Variants in RSF1 observed in about 807,000 individuals in gnomAD.
The protein encoded by RSF1 is HBV pX-associated protein 8.
A neutral mutation model predicts 145.2 loss-of-function variants in RSF1; 13 were observed. The observed-to-expected ratio is 0.09, with a 90% CI of 0.06 to 0.14. RSF1 has a LOEUF of 0.14. Among genes scored for constraint, RSF1 ranks in the 10% least tolerant of loss-of-function variants. RSF1 has a pLI of 1.00. For synonymous variants in RSF1, 577 were observed against 592.6 expected, an observed-to-expected ratio of 0.97 and a Z score of 0.38; for missense variants, 1,517 against 1,718.2, an observed-to-expected ratio of 0.88 and a Z score of 2.07.
the RSF1 span, among the ~76,000 whole-genome samples, chr11:77,865,272 A>G: frequency 9.9e-3 from 1,512 of 152,324 alleles, 20 homozygotes; most frequent in Non-Finnish European, 0.011. Context: ...AGCATAAAGA[A>G]GATAGAAGTG....
At chr11:77,775,455 G>A (rs927390770) in intron 1 of RSF1, among the ~76,000 whole-genome samples, 3 of 152,238 alleles carry the variant, frequency 2.0e-5, no homozygotes, top group Middle Eastern at 3.4e-3. Context: ...TCTTTTCCCC[G>A]CTTTTCTCTC....
intron 2 of RSF1, among the ~76,000 whole-genome samples, chr11:77,748,216 C>CTTTTT (rs372130350): frequency 7.1e-6 from 1 of 141,630 alleles, no homozygotes; most frequent in African/African-American, 2.6e-5. Flanking sequence ...AATAGAGGAT[C>CTTTTT]TTTTTTTTTT....
upstream of RSF1, among the ~76,000 whole-genome samples, chr11:77,825,107 A>C (rs897043787): frequency 3.3e-5 from 5 of 152,046 alleles, no homozygotes; most frequent in Non-Finnish European, 7.4e-5. Context: ...CAGCCTCCCG[A>C]GTAGCTGGGG....
intron 5 of RSF1, among the ~76,000 whole-genome samples, chr11:77,711,986 G>A (rs902955376): frequency 4.1e-5 from 6 of 147,112 alleles, no homozygotes; most frequent in Non-Finnish European, 8.9e-5. Context: ...GGCTTGTTTG[G>A]TGTTTTCTCT....
the RSF1 span, among the ~76,000 whole-genome samples, chr11:77,858,473 A>G: frequency 6.6e-6 from 1 of 151,582 alleles, no homozygotes; most frequent in Non-Finnish European, 1.5e-5. Flanking sequence ...TTTTTGCCTA[A>G]TTATCATTTT....
At chr11:77,682,634 T>G (rs1476172532) in intron 11 of RSF1, among the ~76,000 whole-genome samples, 1 of 152,214 alleles carries the variant, frequency 6.6e-6, no homozygotes, top group African/African-American at 2.4e-5. Context: ...GCATTAACTA[T>G]CTGTCAGCAC....
At chr11:77,768,643 T>C (rs1948251197) in intron 1 of RSF1, among the ~76,000 whole-genome samples, 1 of 152,150 alleles carries the variant, frequency 6.6e-6, no homozygotes, top group Non-Finnish European at 1.5e-5. Flanking sequence ...CTGCATAGTG[T>C]AGACCCAGCA....
At chr11:77,810,299 G>T (rs1171460062) in intron 1 of RSF1, among the ~76,000 whole-genome samples, 1 of 152,144 alleles carries the variant, frequency 6.6e-6, no homozygotes, top group Admixed American at 6.5e-5. Flanking sequence ...ATGTCACATG[G>T]CTCCCATCCT....
chr11:77,773,282 C>T (rs1455860275), intron 1 of RSF1, among the ~76,000 whole-genome samples: 1 of 151,800 alleles, frequency 6.6e-6, no homozygotes, highest in African/African-American at 2.4e-5. Flanking sequence ...CCATTTTAAT[C>T]ATTTTTTTTT....
intron 15 of RSF1, among the ~76,000 whole-genome samples, chr11:77,668,142 T>C (rs1282638851): frequency 6.6e-6 from 1 of 151,824 alleles, no homozygotes. Context: ...GGATTACAGG[T>C]GTGTGTGCCG....
At chr11:77,819,034 G>A (rs1948809089) in intron 1 of RSF1, among the ~76,000 whole-genome samples, 1 of 152,146 alleles carries the variant, frequency 6.6e-6, no homozygotes, top group Non-Finnish European at 1.5e-5. Context: ...TTGAGTCTTC[G>A]GTAGCCATAA....
At chr11:77,869,558 C>T in the RSF1 span, 18 of 579,644 alleles carry the variant, frequency 3.1e-5, 1 homozygote, top group Middle Eastern at 9.2e-4. Context: ...TTCAAGGGAT[C>T]CTGCCTCGTC....
the RSF1 span, chr11:77,842,588 G>C: frequency 3.3e-5 from 53 of 1,613,870 alleles, no homozygotes; most frequent in Middle Eastern, 1.6e-4. Flanking sequence ...GTATGGCCAG[G>C]GGGTAGTCGG....
chr11:77,703,175 ACTTT>A (rs1960465563), intron 5 of RSF1: 2 of 152,210 alleles, frequency 1.3e-5, no homozygotes, highest in African/African-American at 4.8e-5. Context: ...ATTACAACTT[ACTTT>A]ATCAAATGCC....
intron 1 of RSF1, among the ~76,000 whole-genome samples, chr11:77,819,902 C>T (rs1281008340): frequency 2.0e-5 from 3 of 151,866 alleles, no homozygotes; most frequent in African/African-American, 7.3e-5. Context: ...GCAGACCTCC[C>T]CACTTCAAGG....
chr11:77,705,425 CTTA>C (rs985454035), intron 5 of RSF1, among the ~76,000 whole-genome samples: 1 of 152,160 alleles, frequency 6.6e-6, no homozygotes, highest in African/African-American at 2.4e-5. Flanking sequence ...TTATTGATCA[CTTA>C]TTATGTGCTT....
At chr11:77,698,383 A>G in intron 7 of RSF1, 104 bp downstream of exon 7, 1 of 915,544 alleles carries the variant, frequency 1.1e-6, no homozygotes, top group Non-Finnish European at 1.8e-6. Flanking sequence ...ACAAGTTATC[A>G]TTAAGAAATT....
chr11:77,671,619 C>G (rs865912172), intron 15 of RSF1, among the ~76,000 whole-genome samples: 39 of 145,442 alleles, frequency 2.7e-4, no homozygotes, highest in African/African-American at 8.7e-4. Flanking sequence ...CTCAAAGATA[C>G]TACTGGTTAT....
chr11:77,851,976 C>G, the RSF1 span, among the ~76,000 whole-genome samples: 1 of 152,066 alleles, frequency 6.6e-6, no homozygotes, highest in Admixed American at 6.5e-5. Context: ...ACCATCAATT[C>G]AGATTCACTA....
Sources: gnomAD v4.1 joint callset for allele counts (sites outside exome capture counted in the v4.1 genomes callset) on GRCh38, gnomAD v4.1.1 for gene constraint, MANE v1.5 for transcripts, NCBI Gene and HGNC (gene_info 2026-07-23, HGNC 2026-07-21) for gene names.